MERTK: variants seen among roughly 807,000 people sequenced by gnomAD.
MERTK encodes MER proto-oncogene, tyrosine kinase, also known as tyrosine-protein kinase Mer.
MERTK carries 69 observed loss-of-function variants against 99.3 expected under a neutral mutation model. That is an observed-to-expected ratio of 0.70 (90% CI 0.57 to 0.85). The LOEUF (loss-of-function observed/expected upper bound fraction) is 0.85. MERTK is among the 40% of genes least tolerant of loss of function. The pLI, the probability that MERTK is intolerant of heterozygous loss-of-function variation, is 0.00. For missense variants in MERTK, 1,125 were observed against 1,249.4 expected, an observed-to-expected ratio of 0.90 and a Z score of 1.50; for synonymous variants, 426 against 467.6, an observed-to-expected ratio of 0.91 and a Z score of 1.15.
chr2:111,982,501 C>G (rs2104740822), intron 7 of MERTK, among the ~76,000 whole-genome samples: 1 of 152,274 alleles, frequency 6.6e-6, no homozygotes, highest in East Asian at 1.9e-4. Context: ...TCCTGCCTGT[C>G]TCCTGAGGGA....
chr2:111,933,739 A>T (rs917995927), intron 2 of MERTK, among the ~76,000 whole-genome samples: 2 of 152,018 alleles, frequency 1.3e-5, no homozygotes, highest in Non-Finnish European at 2.9e-5. Flanking sequence ...TTTTCATTAT[A>T]CTTTAAGTTC....
At chr2:111,949,927 T>C (rs1418885243) in intron 4 of MERTK, among the ~76,000 whole-genome samples, 1 of 152,190 alleles carries the variant, frequency 6.6e-6, no homozygotes, top group African/African-American at 2.4e-5. Context: ...TTATCACTAG[T>C]ACATCATCTT....
chr2:111,939,250 T>C (rs1335792543), intron 2 of MERTK, among the ~76,000 whole-genome samples: 1 of 152,090 alleles, frequency 6.6e-6, no homozygotes, highest in Admixed American at 6.6e-5. Context: ...GCTCATGTGC[T>C]AGCTTAGGTC....
chr2:111,972,247 G>T (rs1484670076), intron 6 of MERTK, among the ~76,000 whole-genome samples: 1 of 152,118 alleles, frequency 6.6e-6, no homozygotes, highest in African/African-American at 2.4e-5. Context: ...CCCAGGCTGA[G>T]GTAGACATTT....
At chr2:111,938,267 T>TG (rs1469303331) in intron 2 of MERTK, among the ~76,000 whole-genome samples, 2 of 151,310 alleles carry the variant, frequency 1.3e-5, no homozygotes, top group Non-Finnish European at 2.9e-5. Flanking sequence ...GTTGTTTGTT[T>TG]TTTTGTATTT....
chr2:112,020,913 G>T (rs1677328437), intron 16 of MERTK, among the ~76,000 whole-genome samples: 2 of 151,996 alleles, frequency 1.3e-5, no homozygotes, highest in Non-Finnish European at 1.5e-5. Context: ...ATCACTTGAG[G>T]CTAGGCGTGG....
intron 4 of MERTK, chr2:111,952,713 T>G (rs1685080761): frequency 6.6e-6 from 1 of 152,234 alleles, no homozygotes; most frequent in African/African-American, 2.4e-5. Context: ...TTTTAGTGTA[T>G]GTGCTACCAA....
At chr2:111,962,465 C>A (rs1685268757) in intron 4 of MERTK, among the ~76,000 whole-genome samples, 1 of 152,092 alleles carries the variant, frequency 6.6e-6, no homozygotes, top group Non-Finnish European at 1.5e-5. Flanking sequence ...CGGGATTGCA[C>A]CATTGCCTGG....
At chr2:111,933,185 G>A (rs936394138) in intron 2 of MERTK, among the ~76,000 whole-genome samples, 3 of 152,170 alleles carry the variant, frequency 2.0e-5, no homozygotes, top group Non-Finnish European at 2.9e-5. Flanking sequence ...TGAGGACACT[G>A]AGCCCCATGA....
chr2:111,947,225 A>C (rs914949777), intron 3 of MERTK, among the ~76,000 whole-genome samples, 169 bp from the exon 4 acceptor site: 6 of 152,188 alleles, frequency 3.9e-5, no homozygotes, highest in South Asian at 2.1e-4. Flanking sequence ...GTGAGCCGAC[A>C]TCAGGCCACT....
intron 1 of MERTK, among the ~76,000 whole-genome samples, chr2:111,905,092 C>T (rs966935298): frequency 6.6e-6 from 1 of 152,212 alleles, no homozygotes; most frequent in African/African-American, 2.4e-5. Flanking sequence ...AACAAGGATA[C>T]TAAGAATACC....
chr2:111,983,141 G>A (rs193164327), intron 8 of MERTK, 148 bp downstream of exon 8: 45 of 878,998 alleles, frequency 5.1e-5, no homozygotes, highest in Non-Finnish European at 7.5e-5. Flanking sequence ...AAAGAATATA[G>A]TAAATATTAG....
At chr2:111,933,753 G>T (rs1171607897) in intron 2 of MERTK, among the ~76,000 whole-genome samples, 1 of 152,012 alleles carries the variant, frequency 6.6e-6, no homozygotes, top group Non-Finnish European at 1.5e-5. Context: ...TAAGTTCTGG[G>T]ATACATGTGC....
At chr2:111,973,233 C>G (rs1558792413) in intron 6 of MERTK, among the ~76,000 whole-genome samples, 1 of 152,172 alleles carries the variant, frequency 6.6e-6, no homozygotes, top group Admixed American at 6.5e-5. Context: ...CCACATGTCT[C>G]TGGAAGTGGG....
chr2:112,021,383 G>A (rs759115582), intron 16 of MERTK, 39 bp from the exon 17 acceptor site: 2 of 1,611,052 alleles, frequency 1.2e-6, no homozygotes, highest in South Asian at 1.1e-5. Flanking sequence ...TTAAGGCATT[G>A]CCTCTGACGC....
intron 6 of MERTK, among the ~76,000 whole-genome samples, chr2:111,969,589 C>T (rs888405428): frequency 1.1e-4 from 16 of 152,096 alleles, no homozygotes; most frequent in African/African-American, 1.4e-4. Context: ...CTGTTCTTAA[C>T]GCCTCCCACT....
chr2:111,968,775 C>T (rs1385087598), intron 6 of MERTK, among the ~76,000 whole-genome samples: 1 of 152,018 alleles, frequency 6.6e-6, no homozygotes, highest in Non-Finnish European at 1.5e-5. Flanking sequence ...GTGATCCGCC[C>T]GCCTCGGCCT....
intron 1 of MERTK, among the ~76,000 whole-genome samples, chr2:111,899,378 T>A (rs1382278205): frequency 2.6e-5 from 4 of 152,154 alleles, no homozygotes; most frequent in Non-Finnish European, 5.9e-5. Context: ...CTTACGGGCA[T>A]TATTAGTATC....
At chr2:111,951,158 G>A (rs572108304) in intron 4 of MERTK, among the ~76,000 whole-genome samples, 26 of 151,468 alleles carry the variant, frequency 1.7e-4, no homozygotes, top group African/African-American at 4.8e-4. Context: ...GGAGGGAGGC[G>A]ACAGGGGAGG....
Sources: gnomAD v4.1 joint callset for allele counts (sites outside exome capture counted in the v4.1 genomes callset) on GRCh38, gnomAD v4.1.1 for gene constraint, MANE v1.5 for transcripts, NCBI Gene and HGNC (gene_info 2026-07-23, HGNC 2026-07-21) for gene names.